TAS2R1: variants seen among roughly 807,000 people sequenced by gnomAD.
TAS2R1 encodes the protein taste receptor type 2 member 1.
For missense variants in TAS2R1, 370 were observed against 353.4 expected (o/e 1.05, Z -0.38); for synonymous variants, 141 against 134.2 (o/e 1.05, Z -0.35).
chr5:9,842,782 G>A, the TAS2R1 span, among the ~76,000 whole-genome samples: 1 of 151,826 alleles, frequency 6.6e-6, no homozygotes, highest in Admixed American at 6.6e-5. Context: ...TGTTTACTAG[G>A]GCCTCTCCTG....
At chr5:9,896,534 G>A in the TAS2R1 span, among the ~76,000 whole-genome samples, 7 of 152,034 alleles carry the variant, frequency 4.6e-5, no homozygotes, top group South Asian at 2.1e-4. Flanking sequence ...GACCCAAACC[G>A]CCGACCCAAA....
chr5:9,674,792 T>G (rs916030700), intron 1 of TAS2R1, among the ~76,000 whole-genome samples: 3 of 152,092 alleles, frequency 2.0e-5, no homozygotes, highest in African/African-American at 7.2e-5. Context: ...AATTAAATTA[T>G]GGGAACAAGG....
the TAS2R1 span, among the ~76,000 whole-genome samples, chr5:9,846,334 C>T: frequency 1.2e-4 from 19 of 152,104 alleles, no homozygotes; most frequent in African/African-American, 4.8e-5. Context: ...TTTTGGAGGG[C>T]GACGACAATG....
At chr5:9,632,885 G>GT (rs908914084), upstream of TAS2R1, among the ~76,000 whole-genome samples, 92 of 147,726 alleles carry the variant, frequency 6.2e-4, 1 homozygote, top group Middle Eastern at 0.011. Context: ...TATTGTTGGT[G>GT]TTTTTTTTTT....
upstream of TAS2R1, among the ~76,000 whole-genome samples, chr5:9,631,007 G>A (rs1739863094): frequency 6.6e-6 from 1 of 152,204 alleles, no homozygotes; most frequent in African/African-American, 2.4e-5. Flanking sequence ...GTTAGGCACG[G>A]GCTGTCCTGT....
chr5:9,687,937 T>G (rs968971845), intron 1 of TAS2R1, among the ~76,000 whole-genome samples: 4 of 152,242 alleles, frequency 2.6e-5, no homozygotes, highest in African/African-American at 4.8e-5. Context: ...GAAGGCTCTG[T>G]GTATACACAT....
At chr5:9,758,888 T>C in the TAS2R1 span, among the ~76,000 whole-genome samples, 1 of 152,274 alleles carries the variant, frequency 6.6e-6, no homozygotes, top group East Asian at 1.9e-4. Context: ...ATGACTGTCA[T>C]ACAAATATAA....
chr5:9,698,239 G>A (rs1741400085), intron 1 of TAS2R1, among the ~76,000 whole-genome samples: 2 of 152,096 alleles, frequency 1.3e-5, no homozygotes, highest in Non-Finnish European at 2.9e-5. Context: ...AGTTCTAATG[G>A]AATTCTAATC....
chr5:9,861,986 A>C, the TAS2R1 span, among the ~76,000 whole-genome samples: 1 of 152,308 alleles, frequency 6.6e-6, no homozygotes, highest in East Asian at 1.9e-4. Flanking sequence ...ATGGCATAAA[A>C]ATGCACATGG....
chr5:9,866,305 T>C, the TAS2R1 span, among the ~76,000 whole-genome samples: 1 of 152,238 alleles, frequency 6.6e-6, no homozygotes, highest in African/African-American at 2.4e-5. Flanking sequence ...AACATCTTAA[T>C]TGCGAGTATT....
chr5:9,630,077 A>C lies in TAS2R1; in HGVS notation c.-45T>G. On this transcript the variant is annotated 5_prime_UTR_variant, in exon 1 of 1. Transcript: ENST00000382492. ...TTACTTAAAAAATAATGAAGTTATA[A>C]AGTTTTGGACAGGTTGGGTTGTTCA... 6.8e-7 allele frequency: 1 copy of C among 1,473,940 alleles called. No homozygotes were observed. Among genetic ancestry groups the C allele is most frequent in the Non-Finnish European group, 9.0e-7 (1 of 1,111,306 alleles). 91.3% of individuals were successfully genotyped at this position (1,473,940 alleles called of 1,614,324 possible). A position where few individuals can be genotyped will look rare whatever the true frequency, so the allele number is the denominator to read the frequency against.
chr5:9,819,721 T>A, the TAS2R1 span, among the ~76,000 whole-genome samples: 1 of 152,080 alleles, frequency 6.6e-6, no homozygotes, highest in Non-Finnish European at 1.5e-5. Context: ...ATAAGCCATA[T>A]CAAAACACAA....
At chr5:9,685,726 T>C (rs916644420) in intron 1 of TAS2R1, among the ~76,000 whole-genome samples, 1 of 152,214 alleles carries the variant, frequency 6.6e-6, no homozygotes, top group Non-Finnish European at 1.5e-5. Context: ...CACTATATAG[T>C]GTCCAGGGAA....
chr5:9,674,894 G>A (rs531247457), intron 1 of TAS2R1, among the ~76,000 whole-genome samples: 34 of 151,876 alleles, frequency 2.2e-4, no homozygotes, highest in African/African-American at 8.2e-4. Context: ...AGGGTATATG[G>A]GCTGGAAAAG....
At chr5:9,840,601 A>G in the TAS2R1 span, among the ~76,000 whole-genome samples, 932 of 151,988 alleles carry the variant, frequency 6.1e-3, 6 homozygotes, top group African/African-American at 0.021. Context: ...ATATATTCCT[A>G]TATATTTTAG....
chr5:9,738,270 A>T, the TAS2R1 span, among the ~76,000 whole-genome samples: 2 of 151,952 alleles, frequency 1.3e-5, no homozygotes, highest in Non-Finnish European at 2.9e-5. Flanking sequence ...CCCTGATCCA[A>T]TTGGGGCTGG....
At chr5:9,889,369 T>C in the TAS2R1 span, among the ~76,000 whole-genome samples, 2 of 152,168 alleles carry the variant, frequency 1.3e-5, no homozygotes, top group Non-Finnish European at 2.9e-5. Flanking sequence ...ATTCTGTGGA[T>C]GGATCCTGCT....
In TAS2R1 at chr5:9,628,996, C is replaced by G; in HGVS notation, c.*137G>C. ...AAAAAGTAGCATATCCACAGAAATACCTCAGGCTGGATAAACAGGCCTGAA... is the reference window on the plus strand; with the variant it reads ...AAAAAGTAGCATATCCACAGAAATAGCTCAGGCTGGATAAACAGGCCTGAA... On this transcript the variant is annotated 3_prime_UTR_variant, in exon 1 of 1. Transcript: ENST00000382492. 1.1e-6 allele frequency: 1 copy of G among 885,372 alleles called. No homozygotes were observed. The highest frequency in any genetic ancestry group is 1.6e-6 in the Non-Finnish European group (1 of 618,354). The allele number at this position is 885,372 out of a possible 1,614,324, so 54.8% of individuals were successfully genotyped here. A position where few individuals can be genotyped will look rare whatever the true frequency, so the allele number is the denominator to read the frequency against.
At chr5:9,878,051 A>G in the TAS2R1 span, among the ~76,000 whole-genome samples, 1 of 152,150 alleles carries the variant, frequency 6.6e-6, no homozygotes, top group Non-Finnish European at 1.5e-5. Flanking sequence ...AACATAATCC[A>G]CTAGGACTGG....
Sources: gnomAD v4.1 joint callset for allele counts (sites outside exome capture counted in the v4.1 genomes callset) on GRCh38, gnomAD v4.1.1 for gene constraint, MANE v1.5 for transcripts, NCBI Gene and HGNC (gene_info 2026-07-23, HGNC 2026-07-21) for gene names.